The following CDH13 variants were observed in gnomAD, a reference collection of about 807,000 sequenced individuals.
The protein encoded by CDH13 is cadherin-13.
CDH13 carries 24 observed loss-of-function variants against 63.8 expected under a neutral mutation model. That is an observed-to-expected ratio of 0.38 (90% CI 0.27 to 0.53). The LOEUF is 0.53. Among genes scored for constraint, CDH13 ranks in the 20% least tolerant of loss-of-function variants. CDH13 has a pLI of 0.85. For synonymous variants in CDH13, 503 were observed against 355.3 expected, an observed-to-expected ratio of 1.42 and a Z score of -4.67; for missense variants, 1,049 against 903.1, an observed-to-expected ratio of 1.16 and a Z score of -2.07.
At chr16:83,667,513 C>T (rs559806062) in intron 8 of CDH13, among the ~76,000 whole-genome samples, 3 of 152,230 alleles carry the variant, frequency 2.0e-5, no homozygotes, top group East Asian at 1.9e-4. Flanking sequence ...CAGACCTGCT[C>T]ATGTGTTGGG....
At chr16:82,776,133 C>T (rs2035484401) in intron 1 of CDH13, among the ~76,000 whole-genome samples, 1 of 151,960 alleles carries the variant, frequency 6.6e-6, no homozygotes, top group Admixed American at 6.6e-5. Flanking sequence ...TCGCTTGAAC[C>T]CAGGAGGCAG....
At chr16:83,253,496 C>A (rs1905839434) in intron 5 of CDH13, among the ~76,000 whole-genome samples, 1 of 152,224 alleles carries the variant, frequency 6.6e-6, no homozygotes, top group Non-Finnish European at 1.5e-5. Context: ...CACAAGATAC[C>A]TGTGCCTTCT....
intron 1 of CDH13, among the ~76,000 whole-genome samples, chr16:82,692,489 C>T (rs139365351): frequency 1.3e-5 from 2 of 152,136 alleles, no homozygotes; most frequent in African/African-American, 4.8e-5. Context: ...ACCATCAGAT[C>T]TCATGAGATG....
intron 1 of CDH13, among the ~76,000 whole-genome samples, chr16:82,810,602 G>T (rs1207690386): frequency 2.0e-5 from 3 of 152,122 alleles, no homozygotes; most frequent in Admixed American, 2.0e-4. Flanking sequence ...CCAGTCTGTG[G>T]CATTAGTTAG....
At chr16:83,472,267 G>C (rs1311368094) in intron 6 of CDH13, among the ~76,000 whole-genome samples, 1 of 152,260 alleles carries the variant, frequency 6.6e-6, no homozygotes, top group East Asian at 1.9e-4. Flanking sequence ...TGGGCATGCT[G>C]CTAACCCTCT....
chr16:83,314,987 T>C (rs1197653595), intron 5 of CDH13, among the ~76,000 whole-genome samples: 7 of 152,110 alleles, frequency 4.6e-5, no homozygotes, highest in African/African-American at 1.4e-4. Context: ...CAGAACGGAG[T>C]TTGAATCCTG....
At chr16:83,460,046 C>T (rs147238203) in intron 6 of CDH13, among the ~76,000 whole-genome samples, 7 of 152,248 alleles carry the variant, frequency 4.6e-5, no homozygotes, top group African/African-American at 1.7e-4. Flanking sequence ...ATATAAAGAA[C>T]TTCTAAACTC....
chr16:82,652,124 G>A (rs566715257), intron 1 of CDH13, among the ~76,000 whole-genome samples: 1 of 152,320 alleles, frequency 6.6e-6, no homozygotes, highest in South Asian at 2.1e-4. Context: ...AACGTCACTA[G>A]CATCCGAGGC....
intron 6 of CDH13, among the ~76,000 whole-genome samples, chr16:83,355,122 C>G (rs995690520): frequency 6.6e-6 from 1 of 152,130 alleles, no homozygotes; most frequent in African/African-American, 2.4e-5. Context: ...TGAAAAATGA[C>G]TTGTGCTATT....
At chr16:83,624,257 C>A (rs533637973) in intron 8 of CDH13, among the ~76,000 whole-genome samples, 1 of 152,192 alleles carries the variant, frequency 6.6e-6, no homozygotes, top group South Asian at 2.1e-4. Context: ...AAATGCTACT[C>A]TCATAGAAAG....
rs1357275063 is a variant in CDH13, at chr16:83,721,195, A to G, written c.1539-26913A>G. 2.0e-5 allele frequency: 3 copies of G among 152,342 alleles called. No individual in the cohort carries two copies. The South Asian group carries it at 6.2e-4, about 32-fold the overall frequency. 9.4% of individuals were successfully genotyped at this position (152,342 alleles called of 1,614,324 possible). On this transcript the variant is annotated intron_variant, in intron 10 of 13. Coordinates refer to ENST00000567109, the MANE Select transcript of CDH13 (RefSeq NM_001257.5). ...CACCTGAAGGTCACCACCAGTAGCC[A>G]TCCAGAACAGTTTAATTGGGGGTTG...
At chr16:83,100,999 T>A (rs2034448138) in intron 3 of CDH13, among the ~76,000 whole-genome samples, 1 of 152,180 alleles carries the variant, frequency 6.6e-6, no homozygotes, top group African/African-American at 2.4e-5. Context: ...TCCTATATGA[T>A]TCAGATCCTT....
chr16:83,364,901 G>A (rs998114136), intron 6 of CDH13, among the ~76,000 whole-genome samples: 3 of 152,230 alleles, frequency 2.0e-5, no homozygotes, highest in Admixed American at 6.5e-5. Flanking sequence ...ACACACTGGG[G>A]CTTTCAAGGG....
At chr16:83,695,862 A>T (rs1905325924) in intron 10 of CDH13, among the ~76,000 whole-genome samples, 1 of 151,932 alleles carries the variant, frequency 6.6e-6, no homozygotes, top group Admixed American at 6.6e-5. Context: ...AAGAGACGGA[A>T]TTCAAATCCA....
intron 3 of CDH13, among the ~76,000 whole-genome samples, chr16:83,091,759 A>G (rs1315834923): frequency 6.6e-6 from 1 of 152,184 alleles, no homozygotes; most frequent in Non-Finnish European, 1.5e-5. Flanking sequence ...TTCACTACAT[A>G]CTATATCCCC....
Position 83,733,497 on chromosome 16 carries a change from G to C in CDH13, c.1539-14611G>C, listed in dbSNP as rs149666882. On this transcript the variant is annotated intron_variant, in intron 10 of 13. Coordinates refer to ENST00000567109, the MANE Select transcript of CDH13 (RefSeq NM_001257.5). The stretch of plus-strand genomic sequence containing the variant: ...CACAGCTGCCTCTAAGTACCTCCTT[G>C]CTTGGCAGCCGGCCAGACCACATTC... Among the ~76,000 whole-genome samples, 808 of 152,296 alleles carry C rather than the reference G, an allele frequency of 5.3e-3. 10 individuals carry two copies. The highest frequency in any genetic ancestry group is 0.019 in the African/African-American group (783 of 41,556).
chr16:83,573,662 A>C (rs1169990757), intron 7 of CDH13, among the ~76,000 whole-genome samples: 3 of 152,306 alleles, frequency 2.0e-5, no homozygotes, highest in East Asian at 1.9e-4. Context: ...TTTAAAAATA[A>C]AAAACAAAGG....
chr16:83,175,683 C>G (rs556441655), intron 4 of CDH13, among the ~76,000 whole-genome samples: 1 of 149,264 alleles, frequency 6.7e-6, no homozygotes, highest in Non-Finnish European at 1.5e-5. Context: ...AAACAAACAC[C>G]GTCATTCTTA....
chr16:83,787,307 TTG>T (rs1915951103), intron 13 of CDH13, among the ~76,000 whole-genome samples: 1 of 152,146 alleles, frequency 6.6e-6, no homozygotes, highest in African/African-American at 2.4e-5. Flanking sequence ...TCTTTATTGT[TTG>T]TTTGTTTGTT....
Sources: allele counts gnomAD v4.1 joint callset (sites outside exome capture counted in the v4.1 genomes callset), GRCh38; gene constraint gnomAD v4.1.1; transcripts MANE v1.5; gene names NCBI Gene and HGNC (gene_info 2026-07-23, HGNC 2026-07-21).